SAMD13: variants seen among roughly 807,000 people sequenced by gnomAD.
The protein encoded by SAMD13 is sterile alpha motif domain-containing protein 13.
Under a neutral mutation model 12.4 loss-of-function variants are expected in SAMD13, and 9 were observed. The ratio of observed to expected loss-of-function variants is 0.72; its 90% CI spans 0.44 to 1.26. The LOEUF (loss-of-function observed/expected upper bound fraction) is 1.26. Ranked by LOEUF, SAMD13 falls within the 50% of genes most tolerant of loss-of-function variation. The pLI is 0.00. For synonymous variants in SAMD13, 46 were observed against 45.4 expected (o/e 1.01, Z -0.05); for missense variants, 84 against 119.6 (o/e 0.70, Z 1.39).
chr1:84,321,423 T>G (rs1678941454), intron 2 of SAMD13, among the ~76,000 whole-genome samples: 1 of 152,112 alleles, frequency 6.6e-6, no homozygotes, highest in South Asian at 2.1e-4. Context: ...CATATTAACA[T>G]GTATTATATT....
intron 2 of SAMD13, among the ~76,000 whole-genome samples, chr1:84,321,999 CAG>C (rs1419951934): frequency 5.3e-5 from 8 of 152,228 alleles, no homozygotes; most frequent in South Asian, 2.1e-4. Flanking sequence ...GGGCCCCGCT[CAG>C]AGAGTGTTGA....
In SAMD13 at chr1:84,318,417, A is replaced by G. The variant is rs1484977373; in HGVS notation, c.54-7220A>G. The stretch of plus-strand genomic sequence containing the variant: ...ATTTCTATGTATTTGTGAATTTTTC[A>G]GTTTTCCTGCTGCCATTGATTTCTA... On this transcript the variant is annotated intron_variant, in intron 2 of 3. Coordinates refer to ENST00000394834, the MANE Select transcript of SAMD13 (RefSeq NM_001134663.2). 4.6e-5 allele frequency among the ~76,000 whole-genome samples: 7 copies of G among 152,018 alleles called. No individual in the cohort carries two copies. In the East Asian group the frequency reaches 1.3e-3, roughly 29 times the overall value.
At chr1:84,343,042 C>A (rs956673769) in intron 3 of SAMD13, among the ~76,000 whole-genome samples, 2 of 151,972 alleles carry the variant, frequency 1.3e-5, no homozygotes, top group Non-Finnish European at 1.5e-5. Context: ...AAAAACTGGG[C>A]AAAGGACATG....
intron 2 of SAMD13, 27 bp from the exon 3 acceptor site, chr1:84,325,610 A>T (rs1234557416): frequency 7.1e-7 from 1 of 1,401,466 alleles, no homozygotes; most frequent in Non-Finnish European, 1.0e-6. Flanking sequence ...CACTGCCATG[A>T]CAACTGTCTG....
At chr1:84,306,963 C>G (rs1186397249) in intron 2 of SAMD13, among the ~76,000 whole-genome samples, 1 of 151,534 alleles carries the variant, frequency 6.6e-6, no homozygotes, top group Non-Finnish European at 1.5e-5. Flanking sequence ...TTTCTGTATA[C>G]TTTTAGATAT....
At chr1:84,299,825 A>G (rs1162237086), upstream of SAMD13, among the ~76,000 whole-genome samples, 1 of 152,026 alleles carries the variant, frequency 6.6e-6, no homozygotes, top group East Asian at 1.9e-4. Flanking sequence ...CACTTTCTGA[A>G]ACTTTACTCT....
intron 2 of SAMD13, among the ~76,000 whole-genome samples, chr1:84,317,848 T>C (rs1289434945): frequency 1.3e-5 from 2 of 152,120 alleles, no homozygotes; most frequent in Non-Finnish European, 2.9e-5. Context: ...GAAGATTTTA[T>C]ACTACTGATT....
intron 3 of SAMD13, among the ~76,000 whole-genome samples, chr1:84,336,543 A>G (rs1203331109): frequency 1.3e-5 from 2 of 152,160 alleles, no homozygotes. Context: ...CTTATTCACT[A>G]TCATGAGAAG....
At chr1:84,329,000 C>T (rs944475883) in intron 3 of SAMD13, among the ~76,000 whole-genome samples, 3 of 152,082 alleles carry the variant, frequency 2.0e-5, no homozygotes, top group East Asian at 3.8e-4. Flanking sequence ...CTATTATGAG[C>T]TGAATGTTTA....
intron 2 of SAMD13, among the ~76,000 whole-genome samples, chr1:84,312,252 A>T (rs1408166208): frequency 6.6e-6 from 1 of 152,064 alleles, no homozygotes; most frequent in Non-Finnish European, 1.5e-5. Context: ...TTACACAACA[A>T]ACAGCATTTT....
In SAMD13 at chr1:84,308,559, T is replaced by C. The variant is rs554161962; in HGVS notation, c.53+5272T>C. Among the ~76,000 whole-genome samples, 15 of 152,332 alleles carry C rather than the reference T, an allele frequency of 9.8e-5. No homozygotes were observed. The East Asian group carries it at 2.9e-3, about 29-fold the overall frequency. On this transcript the variant is annotated intron_variant, in intron 2 of 3. Coordinates refer to ENST00000394834, the MANE Select transcript of SAMD13 (RefSeq NM_001134663.2). ...TGTGTGACAGGGTTGCTTCTGGGCA[T>C]CAGAAAGAAGTTTACATATTTGTAC...
chr1:84,298,707 C>G (rs1166279909), upstream of SAMD13: 2 of 823,704 alleles, frequency 2.4e-6, no homozygotes, highest in Non-Finnish European at 3.3e-6. Context: ...GTCCGGTGCT[C>G]CTGCAGCTCG....
intron 3 of SAMD13, among the ~76,000 whole-genome samples, chr1:84,327,114 A>G (rs315554): frequency 0.88 from 134,234 of 152,174 alleles, 60,442 homozygotes; most frequent in Non-Finnish European, 0.99. Context: ...ATGAAAACAC[A>G]TGTCTGTAAA....
At chr1:84,317,504 A>G (rs1462544664) in intron 2 of SAMD13, among the ~76,000 whole-genome samples, 2 of 151,968 alleles carry the variant, frequency 1.3e-5, no homozygotes, top group East Asian at 3.9e-4. Flanking sequence ...GATATGTCAC[A>G]TTAATTGATT....
Position 84,350,551 on chromosome 1 carries a change from G to A in SAMD13, c.*777G>A, listed in dbSNP as rs752705174. 8 of 152,462 alleles carry A rather than the reference G, an allele frequency of 5.2e-5. No individual in the cohort carries two copies. Among genetic ancestry groups the A allele is most frequent in the African/African-American group, 1.4e-4 (6 of 41,392 alleles). 9.4% of individuals were successfully genotyped at this position (152,462 alleles called of 1,614,324 possible). On this transcript the variant is annotated 3_prime_UTR_variant, in exon 4 of 4. Coordinates refer to ENST00000394834, the MANE Select transcript of SAMD13 (RefSeq NM_001134663.2). ...TAATTTGTTTCTGAAGAAATTTGCC[G>A]AGAGTTACAGGTCAAAAAGCCTTGT...
At chr1:84,336,240 A>T (rs762639798) in intron 3 of SAMD13, among the ~76,000 whole-genome samples, 2 of 152,120 alleles carry the variant, frequency 1.3e-5, no homozygotes, top group Non-Finnish European at 2.9e-5. Context: ...AGTTTTGTTC[A>T]TTCTTTTTAA....
At chr1:84,313,462 G>A (rs574979408) in intron 2 of SAMD13, among the ~76,000 whole-genome samples, 9 of 152,062 alleles carry the variant, frequency 5.9e-5, no homozygotes, top group African/African-American at 1.2e-4. Context: ...TTCAAATCAT[G>A]AGAATTCAAT....
chr1:84,299,673 ATATT>A (rs752937628), upstream of SAMD13: 2,623 of 894,684 alleles, frequency 2.9e-3, 20 homozygotes, highest in African/African-American at 0.02. Flanking sequence ...ATATATATAT[ATATT>A]TATTTATTTA....
At chr1:84,316,993 T>C (rs930897921) in intron 2 of SAMD13, among the ~76,000 whole-genome samples, 1 of 152,142 alleles carries the variant, frequency 6.6e-6, no homozygotes, top group African/African-American at 2.4e-5. Context: ...CTAATTTCCT[T>C]TGCAGATAGT....
Sources: gnomAD v4.1 joint callset for allele counts (sites outside exome capture counted in the v4.1 genomes callset) on GRCh38, gnomAD v4.1.1 for gene constraint, MANE v1.5 for transcripts, NCBI Gene and HGNC (gene_info 2026-07-23, HGNC 2026-07-21) for gene names.